COLEC12: variants seen among roughly 807,000 people sequenced by gnomAD.
COLEC12 encodes collectin-12.
A neutral mutation model predicts 71.1 loss-of-function variants in COLEC12; 33 were observed. The ratio of observed to expected loss-of-function variants is 0.46; its 90% CI spans 0.35 to 0.62. The LOEUF (loss-of-function observed/expected upper bound fraction) is 0.62. COLEC12 is among the 20% of genes least tolerant of loss of function. COLEC12 has a pLI of 0.00. For synonymous variants in COLEC12, 350 were observed against 353.0 expected (o/e 0.99, Z 0.10); for missense variants, 765 against 916.1 (o/e 0.84, Z 2.13).
intron 2 of COLEC12, among the ~76,000 whole-genome samples, chr18:437,486 C>T (rs1382878402): frequency 6.6e-6 from 1 of 152,034 alleles, no homozygotes; most frequent in African/African-American, 2.4e-5. Flanking sequence ...TCTATCATAG[C>T]TCTAATGTCG....
At chr18:358,293 G>A (rs751096133) in intron 2 of COLEC12, among the ~76,000 whole-genome samples, 16 of 152,198 alleles carry the variant, frequency 1.1e-4, no homozygotes, top group Non-Finnish European at 1.8e-4. Context: ...GGATGGTTTC[G>A]GGATGATTCA....
At chr18:372,208 G>A (rs1195612452) in intron 2 of COLEC12, among the ~76,000 whole-genome samples, 2 of 151,956 alleles carry the variant, frequency 1.3e-5, no homozygotes, top group African/African-American at 2.4e-5. Context: ...TTCCCCTCTC[G>A]AAACACAAAA....
chr18:476,908 TA>T (rs1169691398), intron 2 of COLEC12, among the ~76,000 whole-genome samples: 1 of 152,198 alleles, frequency 6.6e-6, no homozygotes, highest in African/African-American at 2.4e-5. Context: ...AAAGCCTGAT[TA>T]AAGCTTGAAA....
intron 2 of COLEC12, chr18:424,466 A>G (rs1916159269): frequency 6.6e-6 from 1 of 152,240 alleles, no homozygotes; most frequent in Admixed American, 6.5e-5. Flanking sequence ...TAAATGGTGC[A>G]GCCTTAGAAT....
chr18:458,859 AG>A (rs1318575846), intron 2 of COLEC12, among the ~76,000 whole-genome samples: 1 of 152,238 alleles, frequency 6.6e-6, no homozygotes, highest in Admixed American at 6.5e-5. Flanking sequence ...TTTTTGAGAC[AG>A]GGTCTTGCTC....
intron 2 of COLEC12, among the ~76,000 whole-genome samples, chr18:406,583 C>G (rs188600789): frequency 6.6e-6 from 1 of 150,872 alleles, no homozygotes. Flanking sequence ...TATAAAGTAG[C>G]CATTATTTTA....
intron 2 of COLEC12, among the ~76,000 whole-genome samples, chr18:373,372 T>C (rs571099754): frequency 1.4e-4 from 22 of 152,162 alleles, no homozygotes; most frequent in African/African-American, 5.3e-4. Flanking sequence ...ACCTCTCCCG[T>C]CAGAAGTACA....
chr18:409,197 A>G (rs1035876008), intron 2 of COLEC12, among the ~76,000 whole-genome samples: 1 of 152,216 alleles, frequency 6.6e-6, no homozygotes. Flanking sequence ...TTCACAACTA[A>G]AAGAAAATTA....
intron 8 of COLEC12, among the ~76,000 whole-genome samples, chr18:329,320 C>A (rs1243820564): frequency 6.6e-6 from 1 of 152,102 alleles, no homozygotes; most frequent in South Asian, 2.1e-4. Flanking sequence ...CTAACCCAGA[C>A]CTTTGTGCAT....
intron 2 of COLEC12, among the ~76,000 whole-genome samples, chr18:395,942 G>C (rs1323208015): frequency 1.3e-5 from 2 of 152,162 alleles, no homozygotes; most frequent in Non-Finnish European, 2.9e-5. Flanking sequence ...TCCTGCTGTG[G>C]ACCCAGCCAT....
At chr18:369,254 C>A (rs944828231) in intron 2 of COLEC12, among the ~76,000 whole-genome samples, 4 of 152,110 alleles carry the variant, frequency 2.6e-5, no homozygotes, top group African/African-American at 9.7e-5. Flanking sequence ...TGCAACTGAT[C>A]CATTGCATTT....
chr18:428,563 T>C (rs1055797218), intron 2 of COLEC12, among the ~76,000 whole-genome samples: 2 of 152,196 alleles, frequency 1.3e-5, no homozygotes, highest in Admixed American at 1.3e-4. Context: ...AATTAGAAAT[T>C]ATATTCAGCT....
intron 2 of COLEC12, among the ~76,000 whole-genome samples, chr18:375,587 T>G (rs1915096435): frequency 6.6e-6 from 1 of 152,210 alleles, no homozygotes; most frequent in African/African-American, 2.4e-5. Flanking sequence ...AGCCTCAAAC[T>G]CCTGGGCTCA....
chr18:436,524 AAGGGG>A (rs1567907483), intron 2 of COLEC12, among the ~76,000 whole-genome samples: 2 of 31,578 alleles, frequency 6.3e-5, no homozygotes, highest in Non-Finnish European at 9.7e-5. Flanking sequence ...TCAAAAAAAA[AAGGGG>A]GGGGGGGGGG....
At chr18:386,759 G>A (rs543706656) in intron 2 of COLEC12, among the ~76,000 whole-genome samples, 4 of 152,172 alleles carry the variant, frequency 2.6e-5, no homozygotes, top group South Asian at 2.1e-4. Flanking sequence ...TCTCACTTAC[G>A]GAAACTAAGT....
intron 2 of COLEC12, among the ~76,000 whole-genome samples, chr18:465,038 G>A (rs1917058846): frequency 6.6e-6 from 1 of 152,178 alleles, no homozygotes; most frequent in Non-Finnish European, 1.5e-5. Flanking sequence ...TTTTAAAGTT[G>A]ACCCCTTCTT....
At chr18:478,923 T>C (rs1271484311) in intron 2 of COLEC12, among the ~76,000 whole-genome samples, 1 of 152,200 alleles carries the variant, frequency 6.6e-6, no homozygotes, top group Non-Finnish European at 1.5e-5. Context: ...TGTACTTTTT[T>C]GTGTGTTTTT....
At chr18:421,373 G>A (rs1197257910) in intron 2 of COLEC12, among the ~76,000 whole-genome samples, 1 of 152,064 alleles carries the variant, frequency 6.6e-6, no homozygotes, top group Non-Finnish European at 1.5e-5. Flanking sequence ...TCCCGACACG[G>A]TGCTTTTATT....
At chr18:393,038 A>G (rs1567894458) in intron 2 of COLEC12, among the ~76,000 whole-genome samples, 1 of 152,226 alleles carries the variant, frequency 6.6e-6, no homozygotes, top group Non-Finnish European at 1.5e-5. Flanking sequence ...TATGAAGAAC[A>G]TCCATTCCTC....
Sources: allele counts gnomAD v4.1 joint callset (sites outside exome capture counted in the v4.1 genomes callset), GRCh38; gene constraint gnomAD v4.1.1; transcripts MANE v1.5; gene names NCBI Gene and HGNC (gene_info 2026-07-23, HGNC 2026-07-21).